MYO5A: variants seen among roughly 807,000 people sequenced by gnomAD.
MYO5A encodes the protein unconventional myosin-Va.
A neutral mutation model predicts 249.7 loss-of-function variants in MYO5A; 98 were observed. That is an observed-to-expected ratio of 0.39 (90% CI 0.33 to 0.46). The LOEUF (loss-of-function observed/expected upper bound fraction) is 0.46, where lower values mean the gene tolerates loss of function less well. Among genes scored for constraint, MYO5A ranks in the 20% least tolerant of loss-of-function variants. The pLI is 0.98. For missense variants in MYO5A, 1,696 were observed against 2,308.8 expected (o/e 0.73, Z 5.44); for synonymous variants, 778 against 810.6 (o/e 0.96, Z 0.68).
chr15:52,501,865 C>A (rs1249803425), intron 1 of MYO5A, among the ~76,000 whole-genome samples: 1 of 130,792 alleles, frequency 7.6e-6, no homozygotes, highest in Non-Finnish European at 1.6e-5. Flanking sequence ...CACACACACA[C>A]ATACATATAC....
At chr15:52,335,516 CAAAAAAA>C (rs397854139) in intron 34 of MYO5A, among the ~76,000 whole-genome samples, 2 of 64,054 alleles carry the variant, frequency 3.1e-5, no homozygotes, top group African/African-American at 5.0e-5. Context: ...ACTCTGTCTC[CAAAAAAA>C]AAAAAAAAAA....
At chr15:52,372,715 C>T (rs1038622369) in intron 20 of MYO5A, among the ~76,000 whole-genome samples, 3 of 152,054 alleles carry the variant, frequency 2.0e-5, no homozygotes, top group Admixed American at 2.0e-4. Flanking sequence ...AGAAAAAATA[C>T]ATTAGGTTTC....
chr15:52,473,820 T>A (rs1346914822), intron 1 of MYO5A, among the ~76,000 whole-genome samples: 1 of 152,178 alleles, frequency 6.6e-6, no homozygotes, highest in African/African-American at 2.4e-5. Context: ...TGAAGTCAGG[T>A]AGTGTGATGC....
chr15:52,357,917 T>A (rs2040327870), intron 25 of MYO5A, among the ~76,000 whole-genome samples: 1 of 152,204 alleles, frequency 6.6e-6, no homozygotes, highest in South Asian at 2.1e-4. Context: ...TAACTGAATT[T>A]ATTCACAAAA....
chr15:52,496,737 T>C (rs555339147), intron 1 of MYO5A, among the ~76,000 whole-genome samples: 2 of 152,360 alleles, frequency 1.3e-5, no homozygotes, highest in Admixed American at 6.5e-5. Flanking sequence ...TATTGGACTA[T>C]TGATGACTCA....
chr15:52,508,972 T>C (rs2077333133), intron 1 of MYO5A, among the ~76,000 whole-genome samples: 1 of 150,868 alleles, frequency 6.6e-6, no homozygotes, highest in African/African-American at 2.5e-5. Context: ...CAACTTTTTT[T>C]GTAATTTTTT....
rs757630968 is a variant in MYO5A at position 52,317,220 on chromosome 15, T to C, written c.5237A>G (p.Tyr1746Cys). ...CCATTCTTCCAGTTGACTGACATTG[T>C]ACCTATGAAAAAAAAGAGATACAGA... ...CSWSKGMQIR[Y>C]NVSQLEEWLR... is the part of the protein sequence containing the mutation. The change falls in exon 40 of 42, where the codon TAC becomes TGC. Residue 1746 changes from tyrosine (Y) to cysteine (C), a missense_variant and splice_region_variant. This residue lies in a region of MYO5A where 625 missense variants were observed against 908.1 expected (regional missense o/e 0.69). Transcript: ENST00000399233. 20 of 1,613,702 alleles carry C rather than the reference T, an allele frequency of 1.2e-5. No homozygotes were observed. Among genetic ancestry groups the C allele is most frequent in the Non-Finnish European group, 1.6e-5 (19 of 1,179,978 alleles).
chr15:52,342,084 C>T (rs759427256), intron 31 of MYO5A, among the ~76,000 whole-genome samples: 28 of 152,120 alleles, frequency 1.8e-4, no homozygotes, highest in Non-Finnish European at 3.7e-4. Flanking sequence ...GTAGGCTGGG[C>T]GCAGTACCTC....
chr15:52,471,014 C>T (rs1465120814), intron 1 of MYO5A, among the ~76,000 whole-genome samples: 2 of 86,632 alleles, frequency 2.3e-5, no homozygotes, highest in African/African-American at 8.0e-5. Context: ...CAGAGCAAGA[C>T]TCCATCTCAA....
intron 37 of MYO5A, among the ~76,000 whole-genome samples, 190 bp downstream of exon 37, chr15:52,323,165 A>G (rs1464190264): frequency 6.6e-6 from 1 of 152,244 alleles, no homozygotes; most frequent in Non-Finnish European, 1.5e-5. Flanking sequence ...CTCACAATGT[A>G]AAGAAGAAAC....
chr15:52,320,713 C>T (rs192831196), intron 38 of MYO5A, among the ~76,000 whole-genome samples: 10 of 152,018 alleles, frequency 6.6e-5, no homozygotes, highest in African/African-American at 2.4e-4. Context: ...CTGGAAGTAG[C>T]CTTAAGAGCC....
At position 52,317,095 on chromosome 15, in the gene MYO5A, C is replaced by G; in HGVS notation, c.5362G>C (p.Asp1788His). The stretch of plus-strand genomic sequence containing the variant: ...CACATAGAACAAATGGCTTCTGCAT[C>G]ATCATCTGTTTTCTTTTTCACTTGC... ...LLQVKKKTDDDAEAICSMCNA... is the reference protein window; with the variant it reads ...LLQVKKKTDDHAEAICSMCNA... The change falls in exon 40 of 42, where the codon GAT becomes CAT. Residue 1788 changes from aspartate (D) to histidine (H), a missense_variant. Physicochemically the swap from Asp to His is moderately conservative, Grantham distance 81. Coordinates refer to ENST00000399233, the MANE Select transcript of MYO5A (RefSeq NM_001382347.1). 6.2e-7 allele frequency: 1 copy of G among 1,614,136 alleles called. No homozygotes were observed. The highest frequency in any genetic ancestry group is 8.5e-7 in the Non-Finnish European group (1 of 1,180,014).
rs36207943 is a variant in MYO5A, at chr15:52,371,878, G to GTAATAA, written c.2817+240_2817+245dup. ...GAGTGAGACCCTGTCTCAAATAATA[G>GTAATAA]TAATAATAATAATAATAATAATAAT... On this transcript the variant is annotated intron_variant, in intron 21 of 41. Coordinates refer to ENST00000399233, the MANE Select transcript of MYO5A (RefSeq NM_001382347.1). 2.3e-3 allele frequency among the ~76,000 whole-genome samples: 336 copies of GTAATAA among 143,110 alleles called. 1 individual carries two copies. The highest frequency in any genetic ancestry group is 0.011 in the Middle Eastern group (3 of 280). 93.9% of individuals were successfully genotyped at this position (143,110 alleles called of 152,430 possible).
chr15:52,481,830 T>C (rs544389927), intron 1 of MYO5A, among the ~76,000 whole-genome samples: 3 of 152,272 alleles, frequency 2.0e-5, no homozygotes, highest in African/African-American at 7.2e-5. Context: ...ATAGTAGTAC[T>C]CAGTAAATAC....
At chr15:52,368,345 C>T (rs2040918102) in intron 22 of MYO5A, among the ~76,000 whole-genome samples, 1 of 152,136 alleles carries the variant, frequency 6.6e-6, no homozygotes, top group Admixed American at 6.5e-5. Flanking sequence ...AGGAGAGGCT[C>T]TTGTTTGGTA....
intron 1 of MYO5A, among the ~76,000 whole-genome samples, chr15:52,464,522 G>T (rs1371051083): frequency 1.3e-5 from 2 of 152,148 alleles, no homozygotes; most frequent in Non-Finnish European, 2.9e-5. Flanking sequence ...TGGTTATGTG[G>T]GATTCTTTGT....
Position 52,387,833 on chromosome 15 carries a change from C to T in MYO5A, c.1748G>A (p.Ser583Asn), listed in dbSNP as rs1334135743. ...AGTAAGCCTATCCATAGTTACCTTGCTTGATTTAAGAACTTTAATTTGTTC... is the reference window on the plus strand; with the variant it reads ...AGTAAGCCTATCCATAGTTACCTTGTTTGATTTAAGAACTTTAATTTGTTC... ...FEEQIKVLKS[S>N]KFKMLPELFQ... Residue 583 changes from serine to asparagine, a missense_variant, in exon 14 of 42, where the codon AGC (serine) becomes AAC (asparagine). Ser to Asn is a conservative substitution (Grantham distance 46, BLOSUM62 1). Coordinates refer to ENST00000399233, the MANE Select transcript of MYO5A (RefSeq NM_001382347.1). 1.3e-6 allele frequency: 2 copies of T among 1,599,584 alleles called. No individual in the cohort carries two copies. The highest frequency in any genetic ancestry group is 3.3e-5 in the Admixed American group (2 of 60,000).
At chr15:52,512,918 G>A (rs1172312049) in intron 1 of MYO5A, among the ~76,000 whole-genome samples, 2 of 148,098 alleles carry the variant, frequency 1.4e-5, no homozygotes, top group African/African-American at 5.0e-5. Context: ...ATGAGGTCAG[G>A]AGACGGAGAC....
chr15:52,394,635 G>A (rs536229463), intron 11 of MYO5A, among the ~76,000 whole-genome samples: 1 of 152,318 alleles, frequency 6.6e-6, no homozygotes, highest in African/African-American at 2.4e-5. Context: ...GAGACAGACA[G>A]CAGGAAAGAG....
Sources: allele counts gnomAD v4.1 joint callset (sites outside exome capture counted in the v4.1 genomes callset), GRCh38; gene constraint gnomAD v4.1.1; regional missense constraint gnomAD v4.1.1; transcripts MANE v1.5; gene names NCBI Gene and HGNC (gene_info 2026-07-23, HGNC 2026-07-21).